COL19A1: variants seen among roughly 807,000 people sequenced by gnomAD.
COL19A1 encodes collagen type XIX alpha 1 chain.
In COL19A1, 159 loss-of-function variants were observed where a neutral mutation model predicts 190.2. The ratio of observed to expected loss-of-function variants is 0.84; its 90% CI spans 0.73 to 0.95. COL19A1 has a LOEUF of 0.95. COL19A1 is among the 40% of genes least tolerant of loss of function. The probability of loss-of-function intolerance (pLI) is 0.00; values close to 1 mark genes in which losing one functional copy is unlikely to be tolerated. For synonymous variants in COL19A1, 509 were observed against 458.9 expected (o/e 1.11, Z -1.39); for missense variants, 1,418 against 1,431.9 (o/e 0.99, Z 0.16).
intron 15 of COL19A1, among the ~76,000 whole-genome samples, chr6:70,095,817 T>G (rs1386718450): frequency 2.6e-5 from 4 of 152,188 alleles, no homozygotes; most frequent in African/African-American, 9.7e-5. Flanking sequence ...TTTATTTCAC[T>G]TAGTATAATG....
chr6:69,986,356 G>A (rs1016717868), intron 11 of COL19A1, among the ~76,000 whole-genome samples: 1 of 151,494 alleles, frequency 6.6e-6, no homozygotes, highest in African/African-American at 2.4e-5. Context: ...AGTTACCAAT[G>A]GATATACTTC....
Position 69,886,689 on chromosome 6 carries a change from G to A in COL19A1, c.91+7031G>A, listed in dbSNP as rs115850438. The stretch of plus-strand genomic sequence containing the variant: ...GTCCAGAGAGCCTTTGAAATGACAC[G>A]GTGCTTTGCCTCTGTCTACTTGACA... On this transcript the variant is annotated intron_variant, in intron 2 of 50. Transcript: ENST00000620364. Among the ~76,000 whole-genome samples, 254 of 151,912 alleles carry A rather than the reference G, an allele frequency of 1.7e-3. 1 individual carries two copies. The highest frequency in any genetic ancestry group is 4.0e-3 in the African/African-American group (167 of 41,438).
At chr6:70,000,358 A>G (rs1172348718) in intron 11 of COL19A1, among the ~76,000 whole-genome samples, 1 of 152,198 alleles carries the variant, frequency 6.6e-6, no homozygotes, top group Non-Finnish European at 1.5e-5. Context: ...TAGCAGAATG[A>G]TTTATATTCC....
intron 48 of COL19A1, among the ~76,000 whole-genome samples, chr6:70,196,996 C>G (rs1767238662): frequency 3.9e-5 from 6 of 152,076 alleles, no homozygotes; most frequent in Admixed American, 3.9e-4. Context: ...AAATAATTAT[C>G]TGTTTTGCTA....
intron 12 of COL19A1, among the ~76,000 whole-genome samples, chr6:70,024,582 CGTGTGTGTGTGTGT>C (rs71536487): frequency 1.4e-5 from 2 of 143,394 alleles, no homozygotes; most frequent in Non-Finnish European, 3.1e-5. Context: ...TGGAGAAAGT[CGTGTGTGTGTGTGT>C]GTGTGTGTGT....
chr6:69,915,234 G>C (rs1309537640), intron 4 of COL19A1, among the ~76,000 whole-genome samples: 2 of 152,112 alleles, frequency 1.3e-5, no homozygotes, highest in Non-Finnish European at 2.9e-5. Context: ...TTGTCTTTAA[G>C]TTTCTTGACA....
chr6:69,913,589 T>C (rs923999518), intron 4 of COL19A1, among the ~76,000 whole-genome samples: 2 of 152,112 alleles, frequency 1.3e-5, no homozygotes, highest in South Asian at 2.1e-4. Context: ...GGGAGCATCA[T>C]GGTAGTTTTA....
intron 41 of COL19A1, among the ~76,000 whole-genome samples, chr6:70,174,496 G>T (rs1765684680): frequency 6.6e-6 from 1 of 151,780 alleles, no homozygotes; most frequent in Non-Finnish European, 1.5e-5. Context: ...GGAGGCAGAG[G>T]TTGCAGTGAG....
intron 15 of COL19A1, among the ~76,000 whole-genome samples, chr6:70,082,170 GTTGT>G (rs1405026428): frequency 6.6e-6 from 1 of 152,070 alleles, no homozygotes; most frequent in African/African-American, 2.4e-5. Context: ...TCATTGAGAG[GTTGT>G]TTAACTTTAA....
intron 4 of COL19A1, 26 bp from the exon 5 acceptor site, chr6:69,927,883 A>G (rs1772498845): frequency 1.9e-6 from 3 of 1,582,664 alleles, no homozygotes; most frequent in Admixed American, 3.5e-5. Flanking sequence ...GTTTCCCCAC[A>G]AAAGTTCTTT....
At chr6:70,029,903 C>T (rs967007714) in intron 12 of COL19A1, among the ~76,000 whole-genome samples, 7 of 152,214 alleles carry the variant, frequency 4.6e-5, no homozygotes, top group African/African-American at 1.2e-4. Flanking sequence ...AAGTGCCTAC[C>T]GTATGCTAAA....
At position 70,094,109 on chromosome 6, in the gene COL19A1, T is replaced by C. The variant is rs3806023; in HGVS notation, c.1225-8060T>C. Among the ~76,000 whole-genome samples the C allele has an allele frequency of 5.9e-5, 9 of 152,212 alleles. No homozygotes were observed. The East Asian group carries it at 1.3e-3, about 23-fold the overall frequency. ...ACTGTCATAGATACATTTTAAAATA[T>C]CTATTAAGAAATAAAATGTACTTAA... is the stretch of plus-strand genomic sequence containing the variant. On this transcript the variant is annotated intron_variant, in intron 15 of 50. Coordinates refer to ENST00000620364, the MANE Select transcript of COL19A1 (RefSeq NM_001858.6).
At chr6:70,180,403 G>T (rs773351179) in intron 43 of COL19A1, 47 bp downstream of exon 43, 5 of 1,613,986 alleles carry the variant, frequency 3.1e-6, no homozygotes, top group Non-Finnish European at 4.2e-6. Context: ...TGTTGTACTT[G>T]CATGCAGTTT....
At chr6:69,938,627 G>A (rs537047644) in intron 9 of COL19A1, among the ~76,000 whole-genome samples, 5 of 152,058 alleles carry the variant, frequency 3.3e-5, no homozygotes, top group Non-Finnish European at 5.9e-5. Context: ...GAAAGAGATC[G>A]TGGAAAATTA....
At chr6:69,874,947 C>T (rs1340140318) in intron 1 of COL19A1, among the ~76,000 whole-genome samples, 3 of 140,578 alleles carry the variant, frequency 2.1e-5, no homozygotes, top group African/African-American at 7.8e-5. Flanking sequence ...AAAAATTCAA[C>T]AAATATTTAT....
chr6:70,136,239 T>A (rs1397481537), intron 18 of COL19A1, among the ~76,000 whole-genome samples: 3 of 152,118 alleles, frequency 2.0e-5, no homozygotes, highest in Non-Finnish European at 2.9e-5. Context: ...AGCCAAAGAT[T>A]TTAGGGCTGT....
chr6:70,168,141 TTTTTC>T (rs1562238851), intron 38 of COL19A1, 25 bp from the exon 39 acceptor site: 3 of 1,611,722 alleles, frequency 1.9e-6, no homozygotes, highest in Admixed American at 1.7e-5. Flanking sequence ...CATCTTTCTC[TTTTTC>T]TTTTCTTTTC....
chr6:69,923,727 C>T (rs368753950), intron 4 of COL19A1, among the ~76,000 whole-genome samples: 12 of 152,218 alleles, frequency 7.9e-5, no homozygotes, highest in African/African-American at 2.2e-4. Flanking sequence ...GTGAAAACTC[C>T]GGAAAGGCCT....
At chr6:70,017,856 C>T (rs1027422619) in intron 11 of COL19A1, among the ~76,000 whole-genome samples, 1 of 152,050 alleles carries the variant, frequency 6.6e-6, no homozygotes, top group African/African-American at 2.4e-5. Context: ...AAGACCTTGG[C>T]ATGAGCAGTT....
Sources: allele counts gnomAD v4.1 joint callset (sites outside exome capture counted in the v4.1 genomes callset), GRCh38; gene constraint gnomAD v4.1.1; transcripts MANE v1.5; gene names NCBI Gene and HGNC (gene_info 2026-07-23, HGNC 2026-07-21).